Variants in TRIP13 observed in about 807,000 individuals in gnomAD.
TRIP13 encodes pachytene checkpoint protein 2 homolog.
In TRIP13, 25 loss-of-function variants were observed where a neutral mutation model predicts 54.4. The ratio of observed to expected loss-of-function variants is 0.46; its 90% CI spans 0.33 to 0.64. TRIP13 has a LOEUF of 0.64. Among genes scored for constraint, TRIP13 ranks in the 30% least tolerant of loss-of-function variants. The pLI is 0.02. For missense variants in TRIP13, 373 were observed against 534.2 expected, an observed-to-expected ratio of 0.70 and a Z score of 2.97; for synonymous variants, 207 against 207.8, an observed-to-expected ratio of 1.00 and a Z score of 0.03.
intron 1 of TRIP13, among the ~76,000 whole-genome samples, chr5:894,235 A>G (rs774601448): frequency 4.6e-5 from 7 of 152,168 alleles, no homozygotes; most frequent in African/African-American, 9.6e-5. Context: ...AAGCTGGGAC[A>G]GTGCATAGCA....
intron 2 of TRIP13, 74 bp from the exon 3 acceptor site, chr5:896,591 A>C: frequency 1.3e-6 from 2 of 1,506,758 alleles, no homozygotes; most frequent in Non-Finnish European, 1.8e-6. Context: ...GTAGACCTTA[A>C]CATCTAATTT....
rs72703191 is a variant in TRIP13 at position 912,474 on chromosome 5, G to A, written c.1020+478G>A. Among the ~76,000 whole-genome samples, 7,431 of 152,122 alleles carry A rather than the reference G, an allele frequency of 0.049. 265 individuals are homozygous for A. The highest frequency in any genetic ancestry group is 0.078 in the Non-Finnish European group (5,299 of 67,990). On this transcript the variant is annotated intron_variant, in intron 10 of 12. Transcript: ENST00000166345. This position sits in a 1 kb window ranked among gnomAD's most constrained non-coding sequence, Gnocchi z 7.2. Reference sequence around the variant, plus strand: ...GATGATAGGCAGGAACACTGTTGCCGTGGGCAGAGCGACGCGTGCGGGTTG... The same window carrying A: ...GATGATAGGCAGGAACACTGTTGCCATGGGCAGAGCGACGCGTGCGGGTTG...
At position 914,528 on chromosome 5, in the gene TRIP13, A is replaced by G. The variant is rs1437716612; in HGVS notation, c.1084A>G (p.Ile362Val). ...TLRELEMIGF[I>V]ENNVSKLSLL... ...CCGAGAGCTAGAGATGATTGGCTTC[A>G]TTGAAAACAACGTGTCAAAATTGAG... The change falls in exon 11 of 13, where the codon ATT (isoleucine) becomes GTT (valine). Residue 362 changes from isoleucine (I) to valine (V), a missense_variant. Ile to Val is a conservative substitution (Grantham distance 29). This residue lies in a region of TRIP13 where 101 missense variants were observed against 138.5 expected (regional missense o/e 0.73). Coordinates refer to ENST00000166345, the MANE Select transcript of TRIP13 (RefSeq NM_004237.4). 7 of 1,613,796 alleles carry G rather than the reference A, an allele frequency of 4.3e-6. No individual in the cohort carries two copies. The highest frequency in any genetic ancestry group is 5.9e-6 in the Non-Finnish European group (7 of 1,179,958).
chr5:904,901 T>G (rs911576268), intron 6 of TRIP13, among the ~76,000 whole-genome samples: 3 of 152,222 alleles, frequency 2.0e-5, no homozygotes, highest in Admixed American at 6.5e-5. Context: ...AATAGCTGTT[T>G]TAATGTTCTG....
intron 3 of TRIP13, among the ~76,000 whole-genome samples, 168 bp from the exon 4 acceptor site, chr5:900,326 A>G (rs1753956108): frequency 6.6e-6 from 1 of 152,230 alleles, no homozygotes; most frequent in Admixed American, 6.5e-5. Flanking sequence ...ATAAAAATCA[A>G]AATTTGAAGA....
At chr5:916,001 C>T (rs775686347) in intron 12 of TRIP13, 28 bp downstream of exon 12, 19 of 1,607,568 alleles carry the variant, frequency 1.2e-5, no homozygotes, top group Non-Finnish European at 1.6e-5. Context: ...TCCTCCAGCA[C>T]CCGCCCTGTC....
intron 6 of TRIP13, among the ~76,000 whole-genome samples, chr5:906,689 CTG>C (rs2150687312): frequency 6.6e-6 from 1 of 152,208 alleles, no homozygotes; most frequent in East Asian, 1.9e-4. Context: ...TCCAGTCAGT[CTG>C]TGTGTGTTAA....
chr5:893,183 A>G (rs1753728171), intron 1 of TRIP13, 93 bp downstream of exon 1: 1 of 1,217,256 alleles, frequency 8.2e-7, no homozygotes, highest in Non-Finnish European at 1.1e-6. Context: ...ACTGATTCTG[A>G]TGCGACCGAA....
chr5:913,732 C>G lies in TRIP13; in HGVS notation c.1021-733C>G, dbSNP rs1363338513. On this transcript the variant is annotated intron_variant, in intron 10 of 12. Coordinates refer to ENST00000166345, the MANE Select transcript of TRIP13 (RefSeq NM_004237.4). This position sits in a 1 kb window ranked among gnomAD's most constrained non-coding sequence, Gnocchi z 4.5. ...ATGTCACAGTGGATATTGAACTGGT[C>G]TCGAAAGCTCAATATCCCCCAAAGC... 1.3e-5 allele frequency among the ~76,000 whole-genome samples: 2 copies of G among 152,124 alleles called. No homozygotes were observed. Among genetic ancestry groups the G allele is most frequent in the Non-Finnish European group, 1.5e-5 (1 of 68,022 alleles).
At chr5:910,555 C>T (rs1385438852) in intron 9 of TRIP13, among the ~76,000 whole-genome samples, 1 of 152,236 alleles carries the variant, frequency 6.6e-6, no homozygotes, top group Non-Finnish European at 1.5e-5. Flanking sequence ...GTGCACCTGC[C>T]ACTCAAACCA....
In TRIP13 at chr5:912,521, G is replaced by A. The variant is rs1038807280; in HGVS notation, c.1020+525G>A. Among the ~76,000 whole-genome samples the A allele has an allele frequency of 2.6e-5, 4 of 152,148 alleles. No homozygotes were observed. Among genetic ancestry groups the A allele is most frequent in the African/African-American group, 7.2e-5 (3 of 41,414 alleles). On this transcript the variant is annotated intron_variant, in intron 10 of 12. Transcript: ENST00000166345. This position sits in a 1 kb window ranked among gnomAD's most constrained non-coding sequence, Gnocchi z 7.2. Reference sequence around the variant, plus strand: ...GTTGTGTGTGTGAGTCAGGAAGGCCGTCGCCACGGGCAGAGCGACGCGTGC... The same window carrying A: ...GTTGTGTGTGTGAGTCAGGAAGGCCATCGCCACGGGCAGAGCGACGCGTGC...
chr5:911,719 A>T lies in TRIP13; in HGVS notation c.867-124A>T. On this transcript the variant is annotated intron_variant, in intron 9 of 12. Coordinates refer to ENST00000166345, the MANE Select transcript of TRIP13 (RefSeq NM_004237.4). The surrounding 1 kb of genome is among the most constrained non-coding windows in gnomAD (Gnocchi z 4.7). ...GCGTGGCCTGTGTTGGCACAAGGCC[A>T]CTTTCCTTCCTGTTGGCAGCCTGCT... 7.7e-7 allele frequency: 1 copy of T among 1,293,790 alleles called. No individual in the cohort carries two copies. Among genetic ancestry groups the T allele is most frequent in the Non-Finnish European group, 1.0e-6 (1 of 962,800 alleles). The allele number at this position is 1,293,790 out of a possible 1,614,324, so 80.1% of individuals were successfully genotyped here.
chr5:904,497 C>T (rs369149186), intron 6 of TRIP13, among the ~76,000 whole-genome samples: 6 of 152,244 alleles, frequency 3.9e-5, no homozygotes, highest in African/African-American at 9.6e-5. Context: ...TCTCTAATTA[C>T]GGATTTGTCT....
rs891513612 is a variant in TRIP13, at chr5:912,782, T to C, written c.1020+786T>C. The stretch of plus-strand genomic sequence containing the variant: ...GTCAGGCTAGCAGGGACCTGCCCCA[T>C]GCTTGTGTTTCTGCTGCTCTAGCCC... On this transcript the variant is annotated intron_variant, in intron 10 of 12. Transcript: ENST00000166345. This position sits in a 1 kb window ranked among gnomAD's most constrained non-coding sequence, Gnocchi z 7.2. 3.9e-5 allele frequency among the ~76,000 whole-genome samples: 6 copies of C among 152,228 alleles called. No individual in the cohort carries two copies. Among genetic ancestry groups the C allele is most frequent in the African/African-American group, 1.4e-4 (6 of 41,460 alleles).
chr5:907,045 G>T lies in TRIP13; in HGVS notation c.609-85G>T. ...TCCCCCGATGCTGGGCACTTGAGAT[G>T]TTGCATTCAGGACGCGTGAATGGCT... On this transcript the variant is annotated intron_variant, in intron 6 of 12. Transcript: ENST00000166345. The surrounding 1 kb of genome is among the most constrained non-coding windows in gnomAD (Gnocchi z 4.1). 5 of 1,095,240 alleles carry T rather than the reference G, an allele frequency of 4.6e-6. No individual in the cohort carries two copies. Among genetic ancestry groups the T allele is most frequent in the Non-Finnish European group, 7.0e-6 (5 of 716,318 alleles). The allele number at this position is 1,095,240 out of a possible 1,614,324, so 67.8% of individuals were successfully genotyped here.
In TRIP13 at chr5:914,115, C is replaced by T. The variant is rs1462854570; in HGVS notation, c.1021-350C>T. Among the ~76,000 whole-genome samples, 3 of 152,208 alleles carry T rather than the reference C, an allele frequency of 2.0e-5. No individual in the cohort carries two copies. In the South Asian group the frequency reaches 6.2e-4, roughly 32 times the overall value. On this transcript the variant is annotated intron_variant, in intron 10 of 12. Transcript: ENST00000166345. ...TGCCCACTGTGGGTTTTGACGTCTC[C>T]GAAGGTGGCATAACAGACTGGACTG...
chr5:915,996 C>T lies in TRIP13; in HGVS notation c.1203+23C>T. The stretch of plus-strand genomic sequence containing the variant: ...CAGGTGAGTCTCCACTGCTGTCCTC[C>T]AGCACCCGCCCTGTCCACAGGTCTC... On this transcript the variant is annotated intron_variant, in intron 12 of 12. Transcript: ENST00000166345. This position sits in a 1 kb window ranked among gnomAD's most constrained non-coding sequence, Gnocchi z 4.2. The T allele has an allele frequency of 6.2e-7, 1 of 1,611,882 alleles. No individual in the cohort carries two copies. The highest frequency in any genetic ancestry group is 8.5e-7 in the Non-Finnish European group (1 of 1,178,096).
chr5:913,696 A>G lies in TRIP13; in HGVS notation c.1021-769A>G, dbSNP rs1431872224. Among the ~76,000 whole-genome samples the G allele has an allele frequency of 1.3e-5, 2 of 152,172 alleles. No individual in the cohort carries two copies. Among genetic ancestry groups the G allele is most frequent in the Non-Finnish European group, 2.9e-5 (2 of 68,038 alleles). On this transcript the variant is annotated intron_variant, in intron 10 of 12. Transcript: ENST00000166345. This position sits in a 1 kb window ranked among gnomAD's most constrained non-coding sequence, Gnocchi z 4.5. ...TATTTTAGGCAGTTTATATGAAATT[A>G]AGACATGCAGATGTCACAGTGGATA...
chr5:915,934 G>A lies in TRIP13; in HGVS notation c.1164G>A (p.Leu388=), dbSNP rs754528820. 2.5e-6 allele frequency: 4 copies of A among 1,614,044 alleles called. No individual in the cohort carries two copies. The highest frequency in any genetic ancestry group is 3.3e-4 in the Middle Eastern group (2 of 6,082). Residue 388 remains leucine (L), a synonymous_variant, in exon 12 of 13, where the codon CTG becomes CTA. Coordinates refer to ENST00000166345, the MANE Select transcript of TRIP13 (RefSeq NM_004237.4). This position sits in a 1 kb window ranked among gnomAD's most constrained non-coding sequence, Gnocchi z 4.2. The part of the protein sequence containing the change: ...RKSEGLSGRV[L]RKLPFLAHAL... ...GCGAGGGCCTCAGCGGCCGGGTCCT[G>A]AGAAAACTCCCCTTTCTGGCTCATG...
Sources: allele counts gnomAD v4.1 joint callset (sites outside exome capture counted in the v4.1 genomes callset), GRCh38; gene constraint gnomAD v4.1.1; regional missense constraint gnomAD v4.1.1; non-coding constraint Gnocchi (gnomAD v3.1); transcripts MANE v1.5; gene names NCBI Gene and HGNC (gene_info 2026-07-23, HGNC 2026-07-21).